Variants in ARMC2 observed in about 807,000 individuals in gnomAD.
ARMC2 encodes armadillo repeat containing 2, also known as armadillo repeat-containing protein 2.
Under a neutral mutation model 90.3 loss-of-function variants are expected in ARMC2, and 67 were observed. The observed-to-expected ratio is 0.74, with a 90% CI of 0.61 to 0.91. The LOEUF (loss-of-function observed/expected upper bound fraction) is 0.91, where lower values mean the gene tolerates loss of function less well. ARMC2 is among the 40% of genes least tolerant of loss of function. ARMC2 has a pLI of 0.00. For missense variants in ARMC2, 920 were observed against 1,030.9 expected (o/e 0.89, Z 1.47); for synonymous variants, 393 against 393.0 (o/e 1.00, Z 0.00).
chr6:108,928,825 G>T (rs1275258863), intron 11 of ARMC2, among the ~76,000 whole-genome samples: 2 of 152,050 alleles, frequency 1.3e-5, no homozygotes, highest in Non-Finnish European at 2.9e-5. Context: ...GCTGCTCTTT[G>T]TCAGTATTTT....
chr6:108,930,932 G>A (rs1265785580), intron 11 of ARMC2, among the ~76,000 whole-genome samples: 2 of 146,848 alleles, frequency 1.4e-5, no homozygotes, highest in South Asian at 2.2e-4. Flanking sequence ...TTTATTTTAG[G>A]TTCAGAGGTA....
At chr6:109,011,629 TTTC>T in the ARMC2 span, among the ~76,000 whole-genome samples, 1 of 149,516 alleles carries the variant, frequency 6.7e-6, no homozygotes, top group South Asian at 2.1e-4. Flanking sequence ...TAAAATTTTT[TTTC>T]TTTTTTTTTT....
the ARMC2 span, among the ~76,000 whole-genome samples, chr6:109,019,770 C>A: frequency 6.6e-6 from 1 of 152,076 alleles, no homozygotes; most frequent in African/African-American, 2.4e-5. Flanking sequence ...GTATAACAGG[C>A]AGGTTTTAAA....
At chr6:108,885,938 G>A in intron 5 of ARMC2, among the ~76,000 whole-genome samples, 1 of 152,164 alleles carries the variant, frequency 6.6e-6, no homozygotes, top group East Asian at 1.9e-4. Context: ...TTTACCTATT[G>A]TCCATGGCCA....
chr6:108,979,012 G>A (rs1042074763), downstream of ARMC2, among the ~76,000 whole-genome samples: 22 of 152,090 alleles, frequency 1.4e-4, no homozygotes, highest in African/African-American at 4.8e-4. Flanking sequence ...GGTTAATGTT[G>A]TTATGTGTGA....
chr6:108,939,604 C>G (rs1776272867), intron 12 of ARMC2, among the ~76,000 whole-genome samples: 1 of 152,210 alleles, frequency 6.6e-6, no homozygotes, highest in African/African-American at 2.4e-5. Flanking sequence ...GCTTCCTGTA[C>G]AGCCTACGGA....
At chr6:108,908,825 T>C (rs1223916950) in intron 8 of ARMC2, among the ~76,000 whole-genome samples, 1 of 152,122 alleles carries the variant, frequency 6.6e-6, no homozygotes, top group East Asian at 1.9e-4. Context: ...GTCCTAGCAC[T>C]TTGGGAGGCC....
chr6:108,907,305 A>G (rs962481041), intron 8 of ARMC2, among the ~76,000 whole-genome samples: 6 of 152,166 alleles, frequency 3.9e-5, no homozygotes, highest in Non-Finnish European at 5.9e-5. Flanking sequence ...CACATCCTAC[A>G]TACTACATAT....
chr6:108,991,116 T>C, the ARMC2 span, among the ~76,000 whole-genome samples: 7 of 151,952 alleles, frequency 4.6e-5, no homozygotes, highest in Admixed American at 1.3e-4. Flanking sequence ...CCCTTACACA[T>C]TGGCCTTTAT....
At chr6:108,943,028 C>T (rs1220015898) in intron 12 of ARMC2, among the ~76,000 whole-genome samples, 1 of 152,156 alleles carries the variant, frequency 6.6e-6, no homozygotes. Flanking sequence ...TCGCTGCTGC[C>T]GTCCACAGAG....
At chr6:108,998,565 T>C in the ARMC2 span, 10 of 1,613,842 alleles carry the variant, frequency 6.2e-6, no homozygotes, top group Non-Finnish European at 7.6e-6. Flanking sequence ...GTGATTGCCA[T>C]TTGTAATGTC....
rs1276266406 is a variant in ARMC2 at position 108,910,971 on chromosome 6, G to T, written c.1096G>T (p.Asp366Tyr). The T allele has an allele frequency of 6.3e-7, 1 of 1,582,332 alleles. No homozygotes were observed. Residue 366 changes from aspartate to tyrosine, a missense_variant, in exon 9 of 18, where the codon GAT becomes TAT. Coordinates refer to ENST00000392644, the MANE Select transcript of ARMC2 (RefSeq NM_032131.6). ...IFKISRNEKN[D>Y]SLIQNDSILE... ...TAAAATTAGCAGGAATGAGAAGAAT[G>T]ATTCTTTGATTCAAAATGACAGCAT...
chr6:108,904,371 C>T lies in ARMC2; in HGVS notation c.989C>T (p.Ser330Leu), dbSNP rs760161977. 5.0e-6 allele frequency: 8 copies of T among 1,611,830 alleles called. No individual in the cohort carries two copies. In the Admixed American group the frequency reaches 6.8e-5, roughly 14 times the overall value. Reference sequence around the variant, plus strand: ...AAACTAGTTGATGTTGGTTCAGACTCGCTCAGCCTTAAACTTGCAAAAATA... The same window carrying T: ...AAACTAGTTGATGTTGGTTCAGACTTGCTCAGCCTTAAACTTGCAAAAATA... ...LCKLVDVGSDSLSLKLAKIIL... is the reference protein window; with the variant it reads ...LCKLVDVGSDLLSLKLAKIIL... The change falls in exon 8 of 18, where the codon TCG becomes TTG. Residue 330 changes from serine (S) to leucine (L), a missense_variant. Physicochemically the swap from Ser to Leu is moderately radical, Grantham distance 145 (BLOSUM62 -2). Transcript: ENST00000392644.
chr6:109,009,052 TTTAC>T, the ARMC2 span: 1 of 951,622 alleles, frequency 1.1e-6, no homozygotes, highest in Non-Finnish European at 1.3e-6. Context: ...GACAATGTTA[TTTAC>T]GTATTGGAGA....
intron 3 of ARMC2, among the ~76,000 whole-genome samples, chr6:108,862,461 A>G (rs1427095498): frequency 6.6e-6 from 1 of 151,688 alleles, no homozygotes; most frequent in Non-Finnish European, 1.5e-5. Context: ...CGTTGATGTT[A>G]TTGTGGATTA....
intron 10 of ARMC2, among the ~76,000 whole-genome samples, chr6:108,918,025 C>T (rs920868793): frequency 7.2e-5 from 11 of 151,978 alleles, no homozygotes; most frequent in African/African-American, 2.7e-4. Context: ...GCAGGCCTCT[C>T]AAGTAGGAAG....
the ARMC2 span, among the ~76,000 whole-genome samples, chr6:109,030,379 T>TAGA: frequency 6.6e-6 from 1 of 152,174 alleles, no homozygotes; most frequent in African/African-American, 2.4e-5. Flanking sequence ...TGTAAAGGTG[T>TAGA]AGATTGCTAG....
chr6:108,894,848 G>A (rs923024862), intron 6 of ARMC2, among the ~76,000 whole-genome samples: 1 of 139,014 alleles, frequency 7.2e-6, no homozygotes, highest in Non-Finnish European at 1.5e-5. Flanking sequence ...CTCACTGCAA[G>A]CTCCACCTCC....
intron 17 of ARMC2, among the ~76,000 whole-genome samples, chr6:108,967,508 C>G (rs991638557): frequency 6.6e-6 from 1 of 152,142 alleles, no homozygotes; most frequent in Admixed American, 6.5e-5. Context: ...GTTACAGTCA[C>G]CCCTTGGTAT....
Sources: allele counts gnomAD v4.1 joint callset (sites outside exome capture counted in the v4.1 genomes callset), GRCh38; gene constraint gnomAD v4.1.1; transcripts MANE v1.5; gene names NCBI Gene and HGNC (gene_info 2026-07-23, HGNC 2026-07-21).